ARHGEF7: variants seen among roughly 807,000 people sequenced by gnomAD.
ARHGEF7 encodes PAK-interacting exchange factor beta.
In ARHGEF7, 33 loss-of-function variants were observed where a neutral mutation model predicts 109.8. The observed-to-expected ratio is 0.30, with a 90% CI of 0.23 to 0.40. The LOEUF (loss-of-function observed/expected upper bound fraction) is 0.40, where lower values mean the gene tolerates loss of function less well. Ranked by LOEUF, ARHGEF7 falls within the 10% of genes least tolerant of loss-of-function variation. The probability of loss-of-function intolerance (pLI) is 1.00; values close to 1 mark genes in which losing one functional copy is unlikely to be tolerated. For synonymous variants in ARHGEF7, 458 were observed against 424.6 expected (o/e 1.08, Z -0.97); for missense variants, 938 against 1,098.5 (o/e 0.85, Z 2.07).
intron 1 of ARHGEF7, among the ~76,000 whole-genome samples, chr13:111,130,728 A>G (rs1482965574): frequency 6.6e-6 from 1 of 152,246 alleles, no homozygotes; most frequent in Non-Finnish European, 1.5e-5. Flanking sequence ...AAGGCAAGAG[A>G]CAGATTTCCA....
intron 2 of ARHGEF7, among the ~76,000 whole-genome samples, chr13:111,198,837 A>AT (rs1196823794): frequency 6.6e-6 from 1 of 152,020 alleles, no homozygotes; most frequent in African/African-American, 2.4e-5. Context: ...TGATTGGTCC[A>AT]TTTTTACAGA....
In ARHGEF7 at chr13:111,266,873, CTG is replaced by C; in HGVS notation, c.951-674_951-673del. On this transcript the variant is annotated intron_variant, in intron 8 of 21. Coordinates refer to ENST00000646102, the MANE Select transcript of ARHGEF7 (RefSeq NM_001354046.2). This position sits in a 1 kb window ranked among gnomAD's most constrained non-coding sequence, Gnocchi z 4.8. ...TTGTTGCTGTTGTCCTTCAGAAACT[CTG>C]AGGTCTGGAGAGGTGAGCGTGTACC... The C allele has an allele frequency of 2.2e-6, 1 of 456,072 alleles. No individual in the cohort carries two copies. Among genetic ancestry groups the C allele is most frequent in the Non-Finnish European group, 4.4e-6 (1 of 226,814 alleles). 28.3% of individuals were successfully genotyped at this position (456,072 alleles called of 1,614,324 possible). A position where few individuals can be genotyped will look rare whatever the true frequency, so the allele number is the denominator to read the frequency against.
At chr13:111,185,208 T>C (rs2079131248) in intron 2 of ARHGEF7, 1 of 152,328 alleles carries the variant, frequency 6.6e-6, no homozygotes, top group South Asian at 2.1e-4. Flanking sequence ...GAAGGGGCTG[T>C]CGTGCTGAAG....
intron 1 of ARHGEF7, chr13:111,122,698 C>T (rs529277402): frequency 8.5e-5 from 13 of 152,318 alleles, no homozygotes; most frequent in African/African-American, 1.4e-4. Flanking sequence ...CGCATGGAAG[C>T]GCACGCATGG....
At chr13:111,165,313 A>T (rs2077039226) in intron 2 of ARHGEF7, among the ~76,000 whole-genome samples, 1 of 152,142 alleles carries the variant, frequency 6.6e-6, no homozygotes. Context: ...CAGATCCCTT[A>T]GTAGATGTTC....
chr13:111,208,070 C>T (rs905389083), intron 3 of ARHGEF7, among the ~76,000 whole-genome samples: 10 of 152,168 alleles, frequency 6.6e-5, no homozygotes, highest in African/African-American at 1.9e-4. Context: ...GACAGAGTTT[C>T]GTTCTTGTTG....
In ARHGEF7 at chr13:111,162,794, T is replaced by G. The variant is rs543903922; in HGVS notation, c.252+8803T>G. Among the ~76,000 whole-genome samples the G allele has an allele frequency of 1.1e-4, 17 of 152,332 alleles. 1 individual carries two copies. In the South Asian group the frequency reaches 3.1e-3, roughly 28 times the overall value. ...TTAGGATTTCACCCACAAGAATAGT[T>G]AAAAATATTAACACTTTTGAAAGAA... On this transcript the variant is annotated intron_variant, in intron 2 of 21. Coordinates refer to ENST00000646102, the MANE Select transcript of ARHGEF7 (RefSeq NM_001354046.2).
At chr13:111,288,267 C>T (rs547454705) in intron 17 of ARHGEF7, 87 bp from the exon 18 acceptor site, 9 of 683,696 alleles carry the variant, frequency 1.3e-5, no homozygotes, top group Non-Finnish European at 1.9e-5. Context: ...TCACTTTGGT[C>T]GAGTTGATGT....
At chr13:111,148,141 A>G (rs1392094795) in intron 1 of ARHGEF7, among the ~76,000 whole-genome samples, 4 of 151,804 alleles carry the variant, frequency 2.6e-5, no homozygotes, top group African/African-American at 9.7e-5. Context: ...TGTGCGTCTC[A>G]CTCTTTGCAT....
intron 3 of ARHGEF7, among the ~76,000 whole-genome samples, chr13:111,208,659 C>T (rs2082157801): frequency 6.6e-6 from 1 of 152,040 alleles, no homozygotes; most frequent in Admixed American, 6.5e-5. Flanking sequence ...GCCCTTTTAG[C>T]TGGTTTTGTG....
At chr13:111,175,558 G>A (rs1418460067) in intron 2 of ARHGEF7, among the ~76,000 whole-genome samples, 1 of 152,180 alleles carries the variant, frequency 6.6e-6, no homozygotes, top group African/African-American at 2.4e-5. Context: ...TGGGGTGAGT[G>A]AGCTTTTGGG....
At chr13:111,223,592 A>T in intron 5 of ARHGEF7, among the ~76,000 whole-genome samples, 1 of 152,070 alleles carries the variant, frequency 6.6e-6, no homozygotes, top group East Asian at 1.9e-4. Context: ...GTGGTCGGAG[A>T]TGGAATTGTT....
intron 5 of ARHGEF7, among the ~76,000 whole-genome samples, chr13:111,221,434 GATATATAT>G (rs1393341608): frequency 5.1e-4 from 1 of 1,978 alleles, no homozygotes; most frequent in African/African-American, 7.9e-4. Context: ...TCTATATATA[GATATATAT>G]ATCTATATAT....
chr13:111,220,561 A>T (rs1454825611), intron 5 of ARHGEF7, among the ~76,000 whole-genome samples: 3 of 152,194 alleles, frequency 2.0e-5, no homozygotes, highest in Non-Finnish European at 2.9e-5. Context: ...ATTTTCAGAC[A>T]CATTTGAATG....
intron 1 of ARHGEF7, among the ~76,000 whole-genome samples, chr13:111,152,805 T>TA (rs1055238317): frequency 6.6e-6 from 1 of 152,336 alleles, no homozygotes; most frequent in Non-Finnish European, 1.5e-5. Context: ...AAAAACAAAA[T>TA]AAAGTTTTTC....
At chr13:111,143,400 C>T (rs1417747143) in intron 1 of ARHGEF7, 1 of 152,112 alleles carries the variant, frequency 6.6e-6, no homozygotes, top group African/African-American at 2.4e-5. Flanking sequence ...TAACAATGGG[C>T]AATAAGAAAA....
chr13:111,148,564 C>G (rs538288761), intron 1 of ARHGEF7, among the ~76,000 whole-genome samples: 2 of 152,314 alleles, frequency 1.3e-5, no homozygotes, highest in African/African-American at 4.8e-5. Context: ...TTAGAAGGTG[C>G]CAAGCCATGG....
At chr13:111,243,198 C>A (rs138493363) in intron 6 of ARHGEF7, among the ~76,000 whole-genome samples, 2 of 151,584 alleles carry the variant, frequency 1.3e-5, no homozygotes, top group African/African-American at 4.8e-5. Flanking sequence ...AAATTGATTT[C>A]AATTTTTAGA....
chr13:111,258,114 A>C lies in ARHGEF7; in HGVS notation c.951-9434A>C, dbSNP rs1595259132. On this transcript the variant is annotated intron_variant, in intron 8 of 21. Transcript: ENST00000646102. The surrounding 1 kb of genome is among the most constrained non-coding windows in gnomAD (Gnocchi z 4.4). ...GGGCAGCCAAGGGAGGCCTTGCACC[A>C]CCCTCCCACAGCCACAGGCAGTGCA... Among the ~76,000 whole-genome samples, 2 of 151,868 alleles carry C rather than the reference A, an allele frequency of 1.3e-5. No individual in the cohort carries two copies. Among genetic ancestry groups the C allele is most frequent in the Non-Finnish European group, 2.9e-5 (2 of 67,960 alleles).
Sources: allele counts gnomAD v4.1 joint callset (sites outside exome capture counted in the v4.1 genomes callset), GRCh38; gene constraint gnomAD v4.1.1; non-coding constraint Gnocchi (gnomAD v3.1); transcripts MANE v1.5; gene names NCBI Gene and HGNC (gene_info 2026-07-23, HGNC 2026-07-21).